DRD4: variants seen among roughly 807,000 people sequenced by gnomAD.
DRD4 encodes the protein dopamine receptor D4.
DRD4 carries 26 observed loss-of-function variants against 22.1 expected under a neutral mutation model. The observed-to-expected ratio is 1.17, with a 90% CI of 0.86 to 1.63. The LOEUF is 1.63. Among genes scored for constraint, DRD4 ranks in the 40% most tolerant of loss-of-function variants. The pLI, the probability that DRD4 is intolerant of heterozygous loss-of-function variation, is 0.00. For missense variants in DRD4, 913 were observed against 632.4 expected (o/e 1.44, Z -4.76); for synonymous variants, 455 against 306.7 (o/e 1.48, Z -5.05).
rs547677287 is a variant in DRD4, at chr11:637,387, C to T, written c.83C>T (p.Ala28Val). 6.4e-6 allele frequency: 9 copies of T among 1,404,512 alleles called. No individual in the cohort carries two copies. Among genetic ancestry groups the T allele is most frequent in the Non-Finnish European group, 8.3e-6 (9 of 1,081,278 alleles). 87.0% of individuals were successfully genotyped at this position (1,404,512 alleles called of 1,614,324 possible). ...GCGGGGGCATCTGCGGGGGCATCTGCGGGGCTGGCTGGGCAGGGCGCGGCG... is the reference window on the plus strand; with the variant it reads ...GCGGGGGCATCTGCGGGGGCATCTGTGGGGCTGGCTGGGCAGGGCGCGGCG... The part of the protein sequence containing the change: ...PAAGASAGAS[A>V]GLAGQGAAAL... The change falls in exon 1 of 4, where the codon GCG becomes GTG. Residue 28 changes from alanine (A) to valine (V), a missense_variant. By Grantham distance (64) the Ala-to-Val change is moderately conservative. Coordinates refer to ENST00000176183, the MANE Select transcript of DRD4 (RefSeq NM_000797.4).
At chr11:639,377 GTCACAA>G in intron 1 of DRD4, 50 bp from the exon 2 acceptor site, 1 of 1,498,356 alleles carries the variant, frequency 6.7e-7, no homozygotes, top group Non-Finnish European at 9.0e-7. Context: ...GTGGGGGCGG[GTCACAA>G]GGGCCCGCGG....
Position 637,273 on chromosome 11 carries a change from T to TC in DRD4, c.-30dup. ...CTCCCCGGCTTGCGACCCGGCGTTG[T>TC]CCGCGGTGCTCAGCGCCCGCCCGGG... On this transcript the variant is annotated 5_prime_UTR_variant, in exon 1 of 4. Transcript: ENST00000176183. 8.5e-7 allele frequency: 1 copy of TC among 1,173,782 alleles called. No homozygotes were observed. The highest frequency in any genetic ancestry group is 1.1e-6 in the Non-Finnish European group (1 of 951,528). 72.7% of individuals were successfully genotyped at this position (1,173,782 alleles called of 1,614,324 possible).
In DRD4 at chr11:640,209, G is replaced by C; in HGVS notation, c.960G>C (p.Ala320=). ...CAPPDAVRAA[A]LPPQTPPQTR... ...CCCCCGACGCCGTCAGAGCCGCCGC[G>C]CTCCCACCCCAGACTCCACCGCAGA... is the stretch of plus-strand genomic sequence containing the variant. Residue 320 remains alanine, a synonymous_variant, in exon 3 of 4, where the codon GCG becomes GCC. Coordinates refer to ENST00000176183, the MANE Select transcript of DRD4 (RefSeq NM_000797.4). The C allele has an allele frequency of 6.5e-7, 1 of 1,531,036 alleles. No individual in the cohort carries two copies. The highest frequency in any genetic ancestry group is 8.7e-7 in the Non-Finnish European group (1 of 1,145,730). 94.8% of individuals were successfully genotyped at this position (1,531,036 alleles called of 1,614,324 possible). A position where few individuals can be genotyped will look rare whatever the true frequency, so the allele number is the denominator to read the frequency against.
chr11:637,620 CACCTGCTCCTCGGTTCCCCGTCCCT>C, intron 1 of DRD4, 31 bp downstream of exon 1: 3 of 1,539,178 alleles, frequency 1.9e-6, no homozygotes, highest in Non-Finnish European at 8.7e-7. Flanking sequence ...CGAGCATCCT[CACCTGCTCCTCGGTTCCCCGTCCCT>C]GTCCCTACGG....
In DRD4 at chr11:640,533, C is replaced by G. The variant is rs745604469; in HGVS notation, c.1190C>G (p.Pro397Arg). ...WLGYVNSALN[P>R]VIYTVFNAEF... The stretch of plus-strand genomic sequence containing the variant: ...GGCTACGTCAACAGCGCCCTCAACC[C>G]CGTCATCTACACTGTCTTCAACGCC... The change falls in exon 4 of 4, where the codon CCC becomes CGC. Residue 397 changes from proline (P) to arginine (R), a missense_variant. Physicochemically the swap from Pro to Arg is moderately radical, Grantham distance 103. Transcript: ENST00000176183. 2 of 1,600,780 alleles carry G rather than the reference C, an allele frequency of 1.2e-6. No homozygotes were observed. Among genetic ancestry groups the G allele is most frequent in the Non-Finnish European group, 8.5e-7 (1 of 1,179,746 alleles).
At chr11:640,348 G>T (rs779136633) in intron 3 of DRD4, 42 bp downstream of exon 3, 8 of 1,532,688 alleles carry the variant, frequency 5.2e-6, no homozygotes, top group Non-Finnish European at 7.0e-6. Flanking sequence ...AGGAGGGGGG[G>T]GGTACGAGGC....
At chr11:638,972 T>C in intron 1 of DRD4, 1 of 167,780 alleles carries the variant, frequency 6.0e-6, no homozygotes, top group Admixed American at 6.2e-5. Context: ...GTCCCAGCTA[T>C]TCGGGGGAGC....
Position 639,787 on chromosome 11 carries a change from C to T in DRD4, c.538C>T (p.Arg180Cys), listed in dbSNP as rs770921293. 2 of 1,579,148 alleles carry T rather than the reference C, an allele frequency of 1.3e-6. No homozygotes were observed. The highest frequency in any genetic ancestry group is 1.1e-5 in the South Asian group (1 of 89,016). The change falls in exon 3 of 4, where the codon CGC becomes TGC. Residue 180 changes from arginine (R) to cysteine (C), a missense_variant. By Grantham distance (180) the Arg-to-Cys change is radical. Coordinates refer to ENST00000176183, the MANE Select transcript of DRD4 (RefSeq NM_000797.4). ...GTGCGGCCTCAACGACGTGCGCGGC[C>T]GCGACCCCGCCGTGTGCCGCCTGGA... ...VLCGLNDVRG[R>C]DPAVCRLEDR...
At position 640,014 on chromosome 11, in the gene DRD4, G is replaced by A; in HGVS notation, c.765G>A (p.Gln255=). The A allele has an allele frequency of 8.5e-7, 1 of 1,180,926 alleles. No individual in the cohort carries two copies. The highest frequency in any genetic ancestry group is 1.0e-6 in the Non-Finnish European group (1 of 961,716). 73.2% of individuals were successfully genotyped at this position (1,180,926 alleles called of 1,614,324 possible). The part of the protein sequence containing the change: ...SPTPPAPRLP[Q]DPCGPDCAPP... ...CGCCACCCGCGCCCCGCCTCCCCCA[G>A]GACCCCTGCGGCCCCGACTGTGCGC... Residue 255 remains glutamine (Q), a synonymous_variant, in exon 3 of 4, where the codon CAG becomes CAA. Transcript: ENST00000176183.
At chr11:638,240 C>T (rs1195366946) in intron 1 of DRD4, among the ~76,000 whole-genome samples, 6 of 152,180 alleles carry the variant, frequency 3.9e-5, no homozygotes, top group African/African-American at 9.7e-5. Context: ...GTGCCAGCCC[C>T]TCTGCGGCCA....
At chr11:639,323 C>A in intron 1 of DRD4, 110 bp from the exon 2 acceptor site, 2 of 1,028,322 alleles carry the variant, frequency 1.9e-6, no homozygotes, top group African/African-American at 1.6e-5. Context: ...TGGCTCACAG[C>A]CGGGCCCCCT....
In DRD4 at chr11:637,358, GGCCGC is replaced by G; in HGVS notation, c.56_60del (p.Ala19GlyfsTer429). ...ACGGGCTGCTGGCTGGGCGCGGGCCGGCCGCGGGGGCATCTGCGGGGGCATCTGCG... is the reference window on the plus strand; with the variant it reads ...ACGGGCTGCTGGCTGGGCGCGGGCCGGGGGGCATCTGCGGGGGCATCTGCG... On this transcript the variant is annotated frameshift_variant, in exon 1 of 4. Coordinates refer to ENST00000176183, the MANE Select transcript of DRD4 (RefSeq NM_000797.4). LOFTEE classifies it high-confidence loss of function. The G allele has an allele frequency of 7.7e-7, 1 of 1,298,644 alleles. No individual in the cohort carries two copies. The highest frequency in any genetic ancestry group is 9.7e-7 in the Non-Finnish European group (1 of 1,031,204). 80.4% of individuals were successfully genotyped at this position (1,298,644 alleles called of 1,614,324 possible). A position where few individuals can be genotyped will look rare whatever the true frequency, so the allele number is the denominator to read the frequency against.
rs767655308 is a variant in DRD4, at chr11:637,488, G to A, written c.184G>A (p.Glu62Lys). The A allele has an allele frequency of 3.2e-6, 5 of 1,546,288 alleles. No homozygotes were observed. In the South Asian group the frequency reaches 3.5e-5, roughly 11 times the overall value. The change falls in exon 1 of 4, where the codon GAG (glutamate) becomes AAG (lysine). Residue 62 changes from glutamate to lysine, a missense_variant. Coordinates refer to ENST00000176183, the MANE Select transcript of DRD4 (RefSeq NM_000797.4). ...GCTCGTGTGCGTGAGCGTGGCCACCGAGCGCGCCCTGCAGACGCCCACCAA... is the reference window on the plus strand; with the variant it reads ...GCTCGTGTGCGTGAGCGTGGCCACCAAGCGCGCCCTGCAGACGCCCACCAA... ...NSLVCVSVAT[E>K]RALQTPTNSF...
Position 637,536 on chromosome 11 carries a change from GC to G in DRD4, c.234del (p.Ala79ProfsTer25). 6.4e-7 allele frequency: 1 copy of G among 1,564,094 alleles called. No homozygotes were observed. Among genetic ancestry groups the G allele is most frequent in the Non-Finnish European group, 8.6e-7 (1 of 1,159,726 alleles). ...PTNSFIVSLA[A>X]ADLLLALLVL... is the part of the protein sequence containing the mutation. ...CAACTCCTTCATCGTGAGCCTGGCG[GC>G]CGCCGACCTCCTCCTCGCTCTCCTG... On this transcript the variant is annotated frameshift_variant, in exon 1 of 4. Transcript: ENST00000176183. LOFTEE classifies it high-confidence loss of function.
Position 640,136 on chromosome 11 carries a change from C to G in DRD4, c.887C>G (p.Pro296Arg), listed in dbSNP as rs1016609577. ...PQDPCGPDCA[P>R]PAPGLPPDPC... ...GACCCCTGCGGCCCCGACTGTGCGC[C>G]CCCCGCGCCCGGCCTCCCCCCGGAC... Residue 296 changes from proline (P) to arginine (R), a missense_variant, in exon 3 of 4, where the codon CCC becomes CGC. Coordinates refer to ENST00000176183, the MANE Select transcript of DRD4 (RefSeq NM_000797.4). 6.9e-7 allele frequency: 1 copy of G among 1,447,812 alleles called. No individual in the cohort carries two copies. The highest frequency in any genetic ancestry group is 9.1e-7 in the Non-Finnish European group (1 of 1,099,174). 89.7% of individuals were successfully genotyped at this position (1,447,812 alleles called of 1,614,324 possible).
At position 637,570 on chromosome 11, in the gene DRD4, C is replaced by G; in HGVS notation, c.266C>G (p.Pro89Arg). 1.3e-6 allele frequency: 2 copies of G among 1,553,906 alleles called. No homozygotes were observed. Among genetic ancestry groups the G allele is most frequent in the East Asian group, 2.4e-5 (1 of 41,790 alleles). ...ADLLLALLVL[P>R]LFVYSEVQGG... ...CTCCTCCTCGCTCTCCTGGTGCTGC[C>G]GCTCTTCGTCTACTCCGAGGTGAGC... The change falls in exon 1 of 4, where the codon CCG becomes CGG. Residue 89 changes from proline (P) to arginine (R), a missense_variant. Physicochemically the swap from Pro to Arg is moderately radical, Grantham distance 103. Transcript: ENST00000176183.
Position 637,321 on chromosome 11 carries a change from C to CCGCGGA in DRD4, c.26_31dup (p.Ala9_Asp10dup), listed in dbSNP as rs1165274734. On this transcript the variant is annotated inframe_insertion, in exon 1 of 4. Coordinates refer to ENST00000176183, the MANE Select transcript of DRD4 (RefSeq NM_000797.4). ...GGGCGCGCCATGGGGAACCGCAGCA[C>CCGCGGA]CGCGGACGCGGACGGGCTGCTGGCT... The CCGCGGA allele has an allele frequency of 1.6e-5, 20 of 1,250,336 alleles. No individual in the cohort carries two copies. The highest frequency in any genetic ancestry group is 1.8e-5 in the Non-Finnish European group (18 of 1,001,456). The allele number at this position is 1,250,336 out of a possible 1,614,324, so 77.5% of individuals were successfully genotyped here.
At chr11:639,244 G>A (rs73402956) in intron 1 of DRD4, 189 bp from the exon 2 acceptor site, 281 of 607,122 alleles carry the variant, frequency 4.6e-4, no homozygotes, top group African/African-American at 4.2e-3. Flanking sequence ...GACACAGCGA[G>A]ACCCTAACTC....
chr11:639,147 C>T (rs1337637863), intron 1 of DRD4: 13 of 469,780 alleles, frequency 2.8e-5, no homozygotes, highest in African/African-American at 4.0e-5. Context: ...CCCAGCTACT[C>T]TGGAGACTGA....
Sources: gnomAD v4.1 joint callset for allele counts (sites outside exome capture counted in the v4.1 genomes callset) on GRCh38, gnomAD v4.1.1 for gene constraint, MANE v1.5 for transcripts, NCBI Gene and HGNC (gene_info 2026-07-23, HGNC 2026-07-21) for gene names.